TRMT11: variants seen among roughly 807,000 people sequenced by gnomAD.
TRMT11 encodes the protein tRNA methyltransferase 11, also known as tRNA (guanine(10)-N(2))-methyltransferase TRMT11.
TRMT11 carries 53 observed loss-of-function variants against 62.8 expected under a neutral mutation model. The ratio of observed to expected loss-of-function variants is 0.84; its 90% CI spans 0.68 to 1.06. TRMT11 has a LOEUF of 1.06. Among genes scored for constraint, TRMT11 ranks in the 50% least tolerant of loss-of-function variants. The pLI, the probability that TRMT11 is intolerant of heterozygous loss-of-function variation, is 0.00. For missense variants in TRMT11, 556 were observed against 553.4 expected, an observed-to-expected ratio of 1.00 and a Z score of -0.05; for synonymous variants, 188 against 190.3, an observed-to-expected ratio of 0.99 and a Z score of 0.10.
the TRMT11 span, among the ~76,000 whole-genome samples, chr6:126,257,711 G>T: frequency 6.6e-6 from 1 of 152,014 alleles, no homozygotes; most frequent in East Asian, 1.9e-4. Context: ...TTTATTAAAG[G>T]TCCTGCGCCA....
At chr6:126,007,467 C>T (rs554772038) in intron 7 of TRMT11, among the ~76,000 whole-genome samples, 1 of 151,928 alleles carries the variant, frequency 6.6e-6, no homozygotes, top group East Asian at 1.9e-4. Context: ...GACTAGCAGG[C>T]CTTCCTAGAG....
chr6:126,187,290 T>C (rs1406014341), intron 1 of TRMT11, among the ~76,000 whole-genome samples: 1 of 151,940 alleles, frequency 6.6e-6, no homozygotes, highest in Non-Finnish European at 1.5e-5. Flanking sequence ...TGATATAAAA[T>C]AGTCAATTGA....
At chr6:126,014,547 C>T (rs1262362725) in intron 11 of TRMT11, among the ~76,000 whole-genome samples, 2 of 152,228 alleles carry the variant, frequency 1.3e-5, no homozygotes, top group African/African-American at 4.8e-5. Context: ...CCGTGTCCGG[C>T]CAATTCCTAT....
the TRMT11 span, among the ~76,000 whole-genome samples, chr6:126,214,427 T>G: frequency 6.6e-6 from 1 of 152,034 alleles, no homozygotes; most frequent in African/African-American, 2.4e-5. Flanking sequence ...GTTATTAATC[T>G]CTTCAGGTTT....
intron 21 of TRMT11, among the ~76,000 whole-genome samples, chr6:126,120,227 A>G (rs367722412): frequency 2.0e-5 from 3 of 152,162 alleles, no homozygotes; most frequent in South Asian, 2.1e-4. Flanking sequence ...GTGAGCTGAG[A>G]TCACGCCACT....
chr6:126,245,965 T>TA, the TRMT11 span, among the ~76,000 whole-genome samples: 4 of 152,060 alleles, frequency 2.6e-5, no homozygotes, highest in African/African-American at 9.7e-5. Context: ...GAAATTAAAT[T>TA]AAAAAATCAG....
chr6:126,183,964 C>T (rs1778498081), intron 1 of TRMT11, among the ~76,000 whole-genome samples: 1 of 152,012 alleles, frequency 6.6e-6, no homozygotes, highest in Non-Finnish European at 1.5e-5. Context: ...TCTGTCTTGC[C>T]ATCTGGAAAA....
the TRMT11 span, among the ~76,000 whole-genome samples, chr6:126,262,091 T>G: frequency 5.9e-5 from 9 of 152,242 alleles, no homozygotes; most frequent in African/African-American, 2.2e-4. Context: ...TTCATGCTGG[T>G]GTAGTGGAAC....
chr6:126,087,227 G>A (rs1777226186), intron 17 of TRMT11, among the ~76,000 whole-genome samples: 1 of 152,078 alleles, frequency 6.6e-6, no homozygotes, highest in Non-Finnish European at 1.5e-5. Flanking sequence ...TAAATGTTTT[G>A]CAAATGAACC....
At chr6:126,163,805 G>A (rs148471050) in intron 21 of TRMT11, among the ~76,000 whole-genome samples, 3 of 152,122 alleles carry the variant, frequency 2.0e-5, no homozygotes, top group African/African-American at 4.8e-5. Context: ...TATTTCTGTG[G>A]GATCAGTGGT....
intron 21 of TRMT11, among the ~76,000 whole-genome samples, chr6:126,166,916 G>A (rs1250759328): frequency 6.6e-6 from 1 of 152,130 alleles, no homozygotes; most frequent in Admixed American, 6.6e-5. Context: ...TACAGTGTGA[G>A]GAGAAAACTG....
intron 1 of TRMT11, among the ~76,000 whole-genome samples, chr6:126,192,911 T>C (rs1778619553): frequency 6.6e-6 from 1 of 152,184 alleles, no homozygotes; most frequent in Non-Finnish European, 1.5e-5. Context: ...TATGTCCTTG[T>C]CTTGTTTTTG....
intron 17 of TRMT11, among the ~76,000 whole-genome samples, chr6:126,100,342 A>G (rs1004242565): frequency 6.6e-6 from 1 of 152,310 alleles, no homozygotes; most frequent in East Asian, 1.9e-4. Flanking sequence ...CTGAGATTTC[A>G]ATAGCTGGAA....
intron 17 of TRMT11, among the ~76,000 whole-genome samples, chr6:126,076,688 A>G (rs1368987322): frequency 6.6e-6 from 1 of 152,184 alleles, no homozygotes; most frequent in African/African-American, 2.4e-5. Flanking sequence ...CTACCTTTAC[A>G]TGGTAGAATT....
chr6:126,184,141 A>T (rs928756853), intron 1 of TRMT11, among the ~76,000 whole-genome samples: 12 of 152,348 alleles, frequency 7.9e-5, no homozygotes, highest in Middle Eastern at 3.4e-3. Flanking sequence ...GAGACTCAGA[A>T]CTGTGAAGTG....
At chr6:126,139,949 G>T (rs374611066) in intron 21 of TRMT11, among the ~76,000 whole-genome samples, 42 of 152,104 alleles carry the variant, frequency 2.8e-4, no homozygotes, top group African/African-American at 8.9e-4. Context: ...GGATGGTGCA[G>T]AAGTGCTGGA....
At chr6:126,136,408 A>T (rs994068133) in intron 21 of TRMT11, among the ~76,000 whole-genome samples, 24 of 151,806 alleles carry the variant, frequency 1.6e-4, no homozygotes, top group African/African-American at 5.8e-4. Context: ...AAACAATTTC[A>T]TTTACAATAG....
In TRMT11 at chr6:126,150,442, G is replaced by A. The variant is rs531162996; in HGVS notation, c.*1824-24383G>A. On this transcript the variant is annotated intron_variant and NMD_transcript_variant, in intron 21 of 22. Coordinates refer to the TRMT11 transcript ENST00000648977. The stretch of plus-strand genomic sequence containing the variant: ...CAAGATGAAATTGTTTCATCTTTAG[G>A]TGTTTGTATAAACCTTATCACAGTA... Among the ~76,000 whole-genome samples the A allele has an allele frequency of 2.0e-5, 3 of 152,274 alleles. No individual in the cohort carries two copies. In the South Asian group the frequency reaches 6.2e-4, roughly 32 times the overall value.
At chr6:125,995,075 C>T (rs548216615) in intron 2 of TRMT11, among the ~76,000 whole-genome samples, 2 of 152,212 alleles carry the variant, frequency 1.3e-5, no homozygotes, top group African/African-American at 4.8e-5. Flanking sequence ...CAGCAAACCA[C>T]CATGGCACAC....
Sources: gnomAD v4.1 joint callset for allele counts (sites outside exome capture counted in the v4.1 genomes callset) on GRCh38, gnomAD v4.1.1 for gene constraint, MANE v1.5 for transcripts, NCBI Gene and HGNC (gene_info 2026-07-23, HGNC 2026-07-21) for gene names.